The following KCNAB1 variants were observed in gnomAD, a reference collection of about 807,000 sequenced individuals.
KCNAB1 encodes the protein voltage-gated potassium channel subunit beta-1.
KCNAB1 carries 35 observed loss-of-function variants against 64.6 expected under a neutral mutation model. The observed-to-expected ratio is 0.54, with a 90% CI of 0.41 to 0.72. The LOEUF is 0.72. Among genes scored for constraint, KCNAB1 ranks in the 30% least tolerant of loss-of-function variants. The pLI is 0.00. For synonymous variants in KCNAB1, 177 were observed against 183.8 expected, an observed-to-expected ratio of 0.96 and a Z score of 0.30; for missense variants, 401 against 512.9, an observed-to-expected ratio of 0.78 and a Z score of 2.11.
At chr3:156,406,236 C>T (rs1026190939) in intron 1 of KCNAB1, among the ~76,000 whole-genome samples, 35 of 152,144 alleles carry the variant, frequency 2.3e-4, no homozygotes, top group Admixed American at 6.5e-5. Context: ...ATGAGCATTA[C>T]CTCAATCTGC....
intron 1 of KCNAB1, among the ~76,000 whole-genome samples, chr3:156,323,778 T>C (rs539091958): frequency 6.6e-6 from 1 of 152,208 alleles, no homozygotes; most frequent in African/African-American, 2.4e-5. Context: ...CCAAACAATC[T>C]TTCCATCTTT....
intron 1 of KCNAB1, among the ~76,000 whole-genome samples, chr3:156,234,595 T>G (rs1485863017): frequency 6.6e-6 from 1 of 151,762 alleles, no homozygotes; most frequent in Non-Finnish European, 1.5e-5. Context: ...GTGTCCTGAG[T>G]GTTTGAAGAT....
intron 1 of KCNAB1, among the ~76,000 whole-genome samples, chr3:156,344,770 G>C (rs1724370369): frequency 6.6e-6 from 1 of 152,104 alleles, no homozygotes; most frequent in Non-Finnish European, 1.5e-5. Context: ...TGAGAGAATA[G>C]CATACAACTA....
chr3:156,165,228 A>AGAT (rs1711506997), intron 1 of KCNAB1, among the ~76,000 whole-genome samples: 1 of 137,040 alleles, frequency 7.3e-6, no homozygotes, highest in Non-Finnish European at 1.6e-5. Flanking sequence ...CAGTGAGCCG[A>AGAT]GATCCCGCCA....
chr3:156,165,277 C>CAAAAAAAAAAAA (rs35419424), intron 1 of KCNAB1, among the ~76,000 whole-genome samples: 1 of 27,128 alleles, frequency 3.7e-5, no homozygotes, highest in Non-Finnish European at 7.8e-5. Context: ...GACTCCGTCT[C>CAAAAAAAAAAAA]AAAAAAAAAA....
rs1716642356 is a variant in KCNAB1 at position 156,233,270 on chromosome 3, A to C, written c.275+112384A>C. 1.3e-5 allele frequency among the ~76,000 whole-genome samples: 2 copies of C among 152,192 alleles called. 1 individual carries two copies. Among genetic ancestry groups the C allele is most frequent in the South Asian group, 4.1e-4 (2 of 4,824 alleles). The stretch of plus-strand genomic sequence containing the variant: ...CTGGTAAGTGCCAAGAAGAAGAAAA[A>C]TAAAACCAGAATGGAGGATATGGGA... On this transcript the variant is annotated intron_variant, in intron 1 of 13. Transcript: ENST00000490337.
chr3:156,442,477 G>A (rs868421542), intron 2 of KCNAB1, among the ~76,000 whole-genome samples: 11 of 152,084 alleles, frequency 7.2e-5, no homozygotes, highest in African/African-American at 2.7e-4. Context: ...AAAACAAAAT[G>A]GAGCTAACAG....
intron 11 of KCNAB1, among the ~76,000 whole-genome samples, chr3:156,522,762 G>A (rs1415483826): frequency 1.3e-5 from 2 of 152,216 alleles, no homozygotes; most frequent in Non-Finnish European, 2.9e-5. Flanking sequence ...TGGGTGCAGT[G>A]TCCATGGCCC....
chr3:156,176,911 T>C, intron 1 of KCNAB1: 2 of 1,050,414 alleles, frequency 1.9e-6, no homozygotes, highest in Non-Finnish European at 2.8e-6. Context: ...TGTTCTATCA[T>C]GGCGGCAACC....
rs114993205 is a variant in KCNAB1 at position 156,174,273 on chromosome 3, T to G, written c.275+53387T>G. On this transcript the variant is annotated intron_variant, in intron 1 of 13. Transcript: ENST00000490337. ...AATACTTGGTATTTTCTCTCTTTGT[T>G]CCCTTCAAGCAATAATTAATTTTTA... Among the ~76,000 whole-genome samples the G allele has an allele frequency of 2.8e-3, 426 of 152,332 alleles. 4 individuals carry two copies. The highest frequency in any genetic ancestry group is 5.3e-3 in the Non-Finnish European group (358 of 68,030).
Position 156,284,510 on chromosome 3 carries a change from A to T in KCNAB1, c.276-137106A>T, listed in dbSNP as rs916276174. Among the ~76,000 whole-genome samples, 29 of 152,248 alleles carry T rather than the reference A, an allele frequency of 1.9e-4. No homozygotes were observed. The East Asian group carries it at 4.1e-3, about 21-fold the overall frequency. On this transcript the variant is annotated intron_variant, in intron 1 of 13. Coordinates refer to ENST00000490337, the MANE Select transcript of KCNAB1 (RefSeq NM_172160.3). ...TGGGCTCCACCCAGTTTGAGCTTCC[A>T]GGCTGCTTTGTTTACCTAATCAAGC...
rs35476011 is a variant in KCNAB1 at position 156,482,960 on chromosome 3, T to G, written c.658+8140T>G. Among the ~76,000 whole-genome samples the G allele has an allele frequency of 1.6e-3, 240 of 152,198 alleles. 1 individual carries two copies. Among genetic ancestry groups the G allele is most frequent in the Middle Eastern group, 3.4e-3 (1 of 294 alleles). ...AGAAGGCTAACACAACAAATTAAGA[T>G]GCATGAGTCACATGGTTTATCAAAT... On this transcript the variant is annotated intron_variant, in intron 8 of 13. Transcript: ENST00000490337.
chr3:156,309,715 G>A (rs1721757330), intron 1 of KCNAB1, among the ~76,000 whole-genome samples: 2 of 152,336 alleles, frequency 1.3e-5, no homozygotes, highest in East Asian at 3.9e-4. Context: ...ATCAAAGAAA[G>A]AGCTGGCCTA....
rs1201457489 is a variant in KCNAB1, at chr3:156,176,681, G to C, written c.275+55795G>C. The C allele has an allele frequency of 3.8e-6, 4 of 1,049,434 alleles. No homozygotes were observed. In the East Asian group the frequency reaches 7.1e-5, roughly 19 times the overall value. The allele number at this position is 1,049,434 out of a possible 1,614,324, so 65.0% of individuals were successfully genotyped here. On this transcript the variant is annotated intron_variant, in intron 1 of 13. Coordinates refer to ENST00000490337, the MANE Select transcript of KCNAB1 (RefSeq NM_172160.3). ...TGCAGATGCTAAGGTGGATCGGTTG[G>C]GGGTGGAACTTGCAGCAGTATACTT...
At chr3:156,357,962 A>C (rs2108100397) in intron 1 of KCNAB1, among the ~76,000 whole-genome samples, 1 of 152,116 alleles carries the variant, frequency 6.6e-6, no homozygotes, top group South Asian at 2.1e-4. Flanking sequence ...ACTGTTGAAA[A>C]AGTTGATTCA....
At chr3:156,211,234 G>A (rs1714984863) in intron 1 of KCNAB1, among the ~76,000 whole-genome samples, 1 of 152,082 alleles carries the variant, frequency 6.6e-6, no homozygotes, top group Non-Finnish European at 1.5e-5. Context: ...TATATCAAAG[G>A]GGGAGAACAA....
chr3:156,296,514 CG>C lies in KCNAB1; in HGVS notation c.276-125101del, dbSNP rs1720795784. Among the ~76,000 whole-genome samples the C allele has an allele frequency of 1.4e-4, 19 of 131,078 alleles. 1 individual carries two copies. In the South Asian group the frequency reaches 5.1e-3, roughly 35 times the overall value. 86.0% of individuals were successfully genotyped at this position (131,078 alleles called of 152,430 possible). ...TTTGAGATGGAGTCTCGCTCTGTAG[CG>C]CAGGCTGGAGGGCAGTGGCGCCGTC... On this transcript the variant is annotated intron_variant, in intron 1 of 13. Transcript: ENST00000490337.
intron 7 of KCNAB1, among the ~76,000 whole-genome samples, chr3:156,467,877 A>C (rs1220193346): frequency 6.6e-6 from 1 of 152,006 alleles, no homozygotes; most frequent in Non-Finnish European, 1.5e-5. Context: ...AGCTGGTCTT[A>C]TTTATCTCCT....
intron 1 of KCNAB1, among the ~76,000 whole-genome samples, chr3:156,241,464 C>T (rs1318745626): frequency 1.3e-5 from 2 of 152,228 alleles, no homozygotes; most frequent in South Asian, 2.1e-4. Context: ...GACAGCTGTG[C>T]TGTCATCTCA....
Sources: gnomAD v4.1 joint callset for allele counts (sites outside exome capture counted in the v4.1 genomes callset) on GRCh38, gnomAD v4.1.1 for gene constraint, MANE v1.5 for transcripts, NCBI Gene and HGNC (gene_info 2026-07-23, HGNC 2026-07-21) for gene names.